Variants in TACC1 observed in about 807,000 individuals in gnomAD.
The protein encoded by TACC1 is transforming acidic coiled-coil-containing protein 1.
TACC1 carries 48 observed loss-of-function variants against 84.4 expected under a neutral mutation model. The observed-to-expected ratio is 0.57, with a 90% CI of 0.45 to 0.72. TACC1 has a LOEUF of 0.72. TACC1 is among the 30% of genes least tolerant of loss of function. The pLI is 0.00. For synonymous variants in TACC1, 372 were observed against 376.3 expected (o/e 0.99, Z 0.13); for missense variants, 920 against 973.0 (o/e 0.95, Z 0.72).
intron 3 of TACC1, among the ~76,000 whole-genome samples, chr8:38,773,996 G>A (rs1333405871): frequency 6.6e-6 from 1 of 152,096 alleles, no homozygotes; most frequent in Non-Finnish European, 1.5e-5. Context: ...TGGTCTTCTA[G>A]GCTGTCATGC....
At chr8:38,757,062 C>G (rs1461927919) in intron 3 of TACC1, among the ~76,000 whole-genome samples, 2 of 152,198 alleles carry the variant, frequency 1.3e-5, no homozygotes, top group African/African-American at 4.8e-5. Flanking sequence ...CGCCGCTGCC[C>G]GGGCTCCCCG....
intron 3 of TACC1, among the ~76,000 whole-genome samples, chr8:38,765,275 G>T (rs1173898256): frequency 6.6e-6 from 1 of 151,934 alleles, no homozygotes; most frequent in African/African-American, 2.4e-5. Flanking sequence ...ACTTGATTAT[G>T]AGAAAATCCT....
chr8:38,794,481 A>G (rs1040507925), intron 2 of TACC1, among the ~76,000 whole-genome samples: 2 of 152,246 alleles, frequency 1.3e-5, no homozygotes, highest in African/African-American at 2.4e-5. Context: ...GAGAATTTGT[A>G]AGTTGACTGT....
Position 38,831,263 on chromosome 8 carries a change from G to A in TACC1, c.1713+86G>A, listed in dbSNP as rs1829177199. 67 of 1,349,842 alleles carry A rather than the reference G, an allele frequency of 5.0e-5. No individual in the cohort carries two copies. In the South Asian group the frequency reaches 6.3e-4, roughly 13 times the overall value. The allele number at this position is 1,349,842 out of a possible 1,614,324, so 83.6% of individuals were successfully genotyped here. ...GCCCATGTGAATTTGTTAAATTCTG[G>A]TCAGTGTTAGGTGATGAGGATAAAA... is the stretch of plus-strand genomic sequence containing the variant. On this transcript the variant is annotated intron_variant, in intron 6 of 12. Transcript: ENST00000317827.
chr8:38,756,499 A>G (rs1810067312), intron 3 of TACC1, among the ~76,000 whole-genome samples: 1 of 152,100 alleles, frequency 6.6e-6, no homozygotes, highest in Non-Finnish European at 1.5e-5. Context: ...GAGATGCTCT[A>G]AAGGGAGTTG....
intron 2 of TACC1, among the ~76,000 whole-genome samples, chr8:38,817,686 C>T (rs1349099694): frequency 1.3e-5 from 2 of 151,916 alleles, no homozygotes; most frequent in Non-Finnish European, 2.9e-5. Flanking sequence ...TTTAATTGGA[C>T]ATTTGTAGAA....
At chr8:38,820,659 G>T (rs1304627860) in intron 3 of TACC1, 24 bp downstream of exon 3, 1 of 1,583,186 alleles carries the variant, frequency 6.3e-7, no homozygotes, top group Non-Finnish European at 8.5e-7. Flanking sequence ...GGCGCTGGGT[G>T]TCGTGCTCTG....
At chr8:38,818,165 A>G (rs1396943461) in intron 2 of TACC1, among the ~76,000 whole-genome samples, 1 of 147,974 alleles carries the variant, frequency 6.8e-6, no homozygotes, top group East Asian at 2.0e-4. Context: ...AGCCTGGGGA[A>G]GTCAAGGCTG....
At chr8:38,797,812 T>C (rs1296649789) in intron 2 of TACC1, among the ~76,000 whole-genome samples, 1 of 152,180 alleles carries the variant, frequency 6.6e-6, no homozygotes, top group Non-Finnish European at 1.5e-5. Context: ...ACGTGCTCTT[T>C]CCCCCCTTGC....
chr8:38,769,408 G>T (rs1563355290), intron 3 of TACC1, among the ~76,000 whole-genome samples: 1 of 144,644 alleles, frequency 6.9e-6, no homozygotes, highest in Non-Finnish European at 1.5e-5. Flanking sequence ...GTGTGTGTAT[G>T]TATATGAGAC....
intron 2 of TACC1, chr8:38,799,741 G>A (rs1478318849): frequency 6.6e-6 from 1 of 152,138 alleles, no homozygotes; most frequent in East Asian, 1.9e-4. Context: ...ACCTCTTTCT[G>A]TAAATAGAAT....
At chr8:38,838,142 C>T (rs886869220) in intron 7 of TACC1, among the ~76,000 whole-genome samples, 16 of 152,240 alleles carry the variant, frequency 1.1e-4, no homozygotes, top group South Asian at 4.1e-4. Context: ...TCAGATGGCT[C>T]TGTTCTTGGT....
intron 3 of TACC1, among the ~76,000 whole-genome samples, chr8:38,748,024 AT>A (rs554597641): frequency 6.5e-4 from 99 of 152,320 alleles, no homozygotes; most frequent in African/African-American, 2.1e-3. Context: ...CTCTAAAAAA[AT>A]AAAATCCATT....
rs1242360701 is a variant in TACC1 at position 38,787,341 on chromosome 8, C to T, written c.-242C>T. ...CGGGCGTCTTCCCGGCTAGTGGAGC[C>T]CGGCGCGGGGCCCGCTGCGGCCGCA... On this transcript the variant is annotated 5_prime_UTR_variant, in exon 1 of 13. Transcript: ENST00000317827. 37 of 1,294,380 alleles carry T rather than the reference C, an allele frequency of 2.9e-5. No individual in the cohort carries two copies. Among genetic ancestry groups the T allele is most frequent in the Non-Finnish European group, 3.4e-5 (35 of 1,023,760 alleles). The allele number at this position is 1,294,380 out of a possible 1,614,324, so 80.2% of individuals were successfully genotyped here.
chr8:38,791,469 G>T (rs1405634593), intron 2 of TACC1, among the ~76,000 whole-genome samples: 1 of 152,288 alleles, frequency 6.6e-6, no homozygotes, highest in East Asian at 1.9e-4. Flanking sequence ...GTCCTTGGGT[G>T]CAACATCCGG....
chr8:38,787,811 G>T (rs1409603325), intron 1 of TACC1, 68 bp downstream of exon 1: 1 of 1,364,526 alleles, frequency 7.3e-7, no homozygotes, highest in East Asian at 3.0e-5. Flanking sequence ...CTCCCTCTGT[G>T]TGCGTGTGTG....
intron 2 of TACC1, among the ~76,000 whole-genome samples, chr8:38,810,677 A>G (rs1587884207): frequency 6.6e-6 from 1 of 152,324 alleles, no homozygotes; most frequent in East Asian, 1.9e-4. Context: ...GAAAGTGTAG[A>G]ATGGATATCA....
At chr8:38,781,570 G>T (rs1449385566) in intron 3 of TACC1, among the ~76,000 whole-genome samples, 1 of 152,020 alleles carries the variant, frequency 6.6e-6, no homozygotes, top group African/African-American at 2.4e-5. Context: ...TAGTAGAGAC[G>T]GGGTTTCGCC....
At chr8:38,780,071 T>C (rs1343212234) in intron 3 of TACC1, among the ~76,000 whole-genome samples, 1 of 152,272 alleles carries the variant, frequency 6.6e-6, no homozygotes, top group Non-Finnish European at 1.5e-5. Context: ...AAGCTTCATT[T>C]TTTTAAATGT....
Sources: gnomAD v4.1 joint callset for allele counts (sites outside exome capture counted in the v4.1 genomes callset) on GRCh38, gnomAD v4.1.1 for gene constraint, MANE v1.5 for transcripts, NCBI Gene and HGNC (gene_info 2026-07-23, HGNC 2026-07-21) for gene names.